The following CNST variants were observed in gnomAD, a reference collection of about 807,000 sequenced individuals.
The protein encoded by CNST is consortin, connexin sorting protein.
In CNST, 39 loss-of-function variants were observed where a neutral mutation model predicts 72.4. The observed-to-expected ratio is 0.54, with a 90% CI of 0.42 to 0.70. The LOEUF (loss-of-function observed/expected upper bound fraction) is 0.70. CNST is among the 30% of genes least tolerant of loss of function. The pLI is 0.00. For missense variants in CNST, 871 were observed against 868.5 expected (o/e 1.00, Z -0.04); for synonymous variants, 332 against 320.1 (o/e 1.04, Z -0.40).
At chr1:246,574,028 A>G (rs1660222716) in intron 1 of CNST, among the ~76,000 whole-genome samples, 1 of 152,164 alleles carries the variant, frequency 6.6e-6, no homozygotes, top group African/African-American at 2.4e-5. Context: ...TGATTACAGA[A>G]GTAATAATGC....
chr1:246,581,691 T>C (rs993539025), intron 1 of CNST, among the ~76,000 whole-genome samples: 4 of 152,266 alleles, frequency 2.6e-5, no homozygotes, highest in African/African-American at 7.2e-5. Flanking sequence ...CCATTTCTTA[T>C]AAACTTTTAC....
intron 10 of CNST, among the ~76,000 whole-genome samples, chr1:246,664,673 G>A (rs184715490): frequency 0.023 from 3,572 of 152,012 alleles, 59 homozygotes; most frequent in Non-Finnish European, 0.036. Context: ...TGATCCGCCC[G>A]CCTCAGCCTC....
At chr1:246,596,173 T>G (rs138066275) in intron 2 of CNST, among the ~76,000 whole-genome samples, 1 of 152,218 alleles carries the variant, frequency 6.6e-6, no homozygotes, top group East Asian at 1.9e-4. Flanking sequence ...TGTAGCACTT[T>G]AAGAAGCCAA....
intron 2 of CNST, among the ~76,000 whole-genome samples, chr1:246,610,941 C>T (rs898618441): frequency 6.6e-6 from 1 of 151,966 alleles, no homozygotes; most frequent in African/African-American, 2.4e-5. Flanking sequence ...TTTTTTTGCA[C>T]CCCTCCGCCC....
intron 10 of CNST, among the ~76,000 whole-genome samples, 190 bp downstream of exon 10, chr1:246,660,524 G>A (rs530296279): frequency 5.3e-5 from 8 of 152,158 alleles, no homozygotes; most frequent in African/African-American, 1.7e-4. Context: ...TCAGGAGTTC[G>A]AGACAAGCCT....
At chr1:246,591,401 T>C in intron 1 of CNST, 111 bp from the exon 2 acceptor site, 1 of 774,346 alleles carries the variant, frequency 1.3e-6, no homozygotes, top group Non-Finnish European at 2.0e-6. Flanking sequence ...AGTCATTTCC[T>C]TCTCTTCCCT....
At chr1:246,602,220 G>A (rs960435886) in intron 2 of CNST, among the ~76,000 whole-genome samples, 2 of 152,232 alleles carry the variant, frequency 1.3e-5, no homozygotes, top group East Asian at 1.9e-4. Context: ...TTGAAGAATT[G>A]TGCATGGTCT....
intron 1 of CNST, among the ~76,000 whole-genome samples, chr1:246,582,650 C>T (rs1314748404): frequency 1.3e-5 from 2 of 152,206 alleles, no homozygotes; most frequent in Non-Finnish European, 1.5e-5. Flanking sequence ...GCTCTGGCCC[C>T]GCCTCCGTTT....
Position 246,665,776 on chromosome 1 carries a change from T to C in CNST, c.2049T>C (p.Thr683=). 1 of 1,613,950 alleles carries C rather than the reference T, an allele frequency of 6.2e-7. No homozygotes were observed. The highest frequency in any genetic ancestry group is 8.5e-7 in the Non-Finnish European group (1 of 1,179,932). Residue 683 remains threonine (T), a synonymous_variant, in exon 11 of 11, where the codon ACT becomes ACC. Transcript: ENST00000366513. ...CGGTTTTCCTCAGTGTTGGAGGAAC[T>C]GCATTATACTGCACTTTCGGTGACA... ...IATVFLSVGG[T]ALYCTFGDME...
chr1:246,580,775 CT>C (rs1221642192), intron 1 of CNST, among the ~76,000 whole-genome samples: 8 of 152,072 alleles, frequency 5.3e-5, no homozygotes, highest in African/African-American at 1.7e-4. Flanking sequence ...CAGTCTCACT[CT>C]GTTGCCCAGG....
At chr1:246,627,902 T>C (rs539796043) in intron 3 of CNST, among the ~76,000 whole-genome samples, 29 of 151,394 alleles carry the variant, frequency 1.9e-4, no homozygotes, top group Non-Finnish European at 3.7e-4. Context: ...AGGATATTTA[T>C]ATATATCCTA....
chr1:246,601,149 TA>T (rs970727819), intron 2 of CNST, among the ~76,000 whole-genome samples: 5 of 150,854 alleles, frequency 3.3e-5, no homozygotes, highest in Non-Finnish European at 7.4e-5. Flanking sequence ...TTTCAAAAAA[TA>T]AAAAAAATAG....
chr1:246,660,426 T>G, intron 10 of CNST, 92 bp downstream of exon 10: 1 of 1,415,376 alleles, frequency 7.1e-7, no homozygotes, highest in Non-Finnish European at 9.7e-7. Flanking sequence ...ACTAACAGGA[T>G]TTGTAAAAGA....
At position 246,647,668 on chromosome 1, in the gene CNST, T is replaced by C. The variant is rs1258583219; in HGVS notation, c.1467T>C (p.Leu489=). 6.2e-7 allele frequency: 1 copy of C among 1,614,174 alleles called. No individual in the cohort carries two copies. The highest frequency in any genetic ancestry group is 1.1e-5 in the South Asian group (1 of 91,078). ...NELNELQQPD[L]TDSDGKSPQA... is the part of the protein sequence containing the mutation. ...TAAATGAGCTGCAGCAGCCTGATCT[T>C]ACAGACAGTGATGGAAAATCACCAC... Residue 489 remains leucine, a synonymous_variant, in exon 9 of 11, where the codon CTT becomes CTC. Coordinates refer to ENST00000366513, the MANE Select transcript of CNST (RefSeq NM_152609.3).
intron 4 of CNST, 126 bp downstream of exon 4, chr1:246,632,050 G>T: frequency 1.6e-6 from 1 of 626,830 alleles, no homozygotes; most frequent in Non-Finnish European, 2.8e-6. Context: ...GGTTTTGACA[G>T]TTGTATGTAC....
Position 246,666,978 on chromosome 1 carries a change from G to A in CNST, c.*1073G>A, listed in dbSNP as rs940155070. On this transcript the variant is annotated 3_prime_UTR_variant, in exon 11 of 11. Transcript: ENST00000366513. ...GTGGGCTTGATTTAGATCCTATTGC[G>A]GGGTCATTACGCAAAAATTCAATCA... 6.6e-6 allele frequency: 1 copy of A among 151,978 alleles called. No individual in the cohort carries two copies. The allele number at this position is 151,978 out of a possible 1,614,324, so 9.4% of individuals were successfully genotyped here.
intron 2 of CNST, among the ~76,000 whole-genome samples, chr1:246,619,909 G>C (rs1663943954): frequency 7.0e-6 from 1 of 142,314 alleles, no homozygotes; most frequent in African/African-American, 2.7e-5. Context: ...CTTCAGTCGT[G>C]CATACACACG....
At chr1:246,624,038 G>C (rs1250017671) in intron 3 of CNST, among the ~76,000 whole-genome samples, 1 of 152,198 alleles carries the variant, frequency 6.6e-6, no homozygotes, top group Non-Finnish European at 1.5e-5. Context: ...ACTCCAGCCT[G>C]GGTAACAGAG....
At chr1:246,652,975 G>A (rs1332080887) in intron 9 of CNST, among the ~76,000 whole-genome samples, 1 of 151,230 alleles carries the variant, frequency 6.6e-6, no homozygotes, top group East Asian at 1.9e-4. Flanking sequence ...CTGCACTCCA[G>A]CCTGGGCTAC....
Sources: allele counts gnomAD v4.1 joint callset (sites outside exome capture counted in the v4.1 genomes callset), GRCh38; gene constraint gnomAD v4.1.1; transcripts MANE v1.5; gene names NCBI Gene and HGNC (gene_info 2026-07-23, HGNC 2026-07-21).